Variants in SLC35F1 observed in about 807,000 individuals in gnomAD.
SLC35F1 encodes solute carrier family 35 member F1.
A neutral mutation model predicts 48.7 loss-of-function variants in SLC35F1; 14 were observed. That is an observed-to-expected ratio of 0.29 (90% confidence interval 0.19 to 0.45). SLC35F1 has a LOEUF of 0.45. SLC35F1 is among the 20% of genes least tolerant of loss of function. The pLI is 1.00. For synonymous variants in SLC35F1, 190 were observed against 202.2 expected (o/e 0.94, Z 0.51); for missense variants, 404 against 500.0 (o/e 0.81, Z 1.83).
intron 1 of SLC35F1, among the ~76,000 whole-genome samples, chr6:118,119,325 A>T (rs557577803): frequency 6.6e-6 from 1 of 152,266 alleles, no homozygotes; most frequent in Non-Finnish European, 1.5e-5. Flanking sequence ...GAACATGATA[A>T]TTTTGTACCA....
In SLC35F1 at chr6:118,147,117, C is replaced by G. The variant is rs369129392; in HGVS notation, c.174-7328C>G. ...AGGGGTGCAGGGTACACACTGAGAA[C>G]CTTGTGAGTCAGGGCCATCTTCAGT... On this transcript the variant is annotated intron_variant, in intron 1 of 7. Coordinates refer to ENST00000360388, the MANE Select transcript of SLC35F1 (RefSeq NM_001029858.4). Among the ~76,000 whole-genome samples the G allele has an allele frequency of 1.6e-3, 247 of 152,170 alleles. 2 individuals are homozygous for G. Among genetic ancestry groups the G allele is most frequent in the South Asian group, 0.013 (62 of 4,818 alleles).
intron 2 of SLC35F1, among the ~76,000 whole-genome samples, chr6:118,167,504 T>G (rs1046889382): frequency 6.6e-5 from 10 of 152,174 alleles, no homozygotes; most frequent in Admixed American, 2.0e-4. Flanking sequence ...TACCAAATAC[T>G]GTAGACAATT....
intron 7 of SLC35F1, among the ~76,000 whole-genome samples, chr6:118,308,657 T>G (rs137994359): frequency 6.6e-6 from 1 of 152,328 alleles, no homozygotes; most frequent in African/African-American, 2.4e-5. Context: ...CTTTTTAAAA[T>G]AAACTGAATA....
At chr6:117,983,237 A>T (rs1207231534) in intron 1 of SLC35F1, among the ~76,000 whole-genome samples, 1 of 152,198 alleles carries the variant, frequency 6.6e-6, no homozygotes, top group African/African-American at 2.4e-5. Context: ...TGAGGCCTAG[A>T]AAACCAACTC....
intron 2 of SLC35F1, among the ~76,000 whole-genome samples, chr6:118,206,185 A>G (rs1379304456): frequency 6.6e-6 from 1 of 152,260 alleles, no homozygotes; most frequent in Non-Finnish European, 1.5e-5. Flanking sequence ...ATTTTACATT[A>G]CATTTTTGTT....
intron 3 of SLC35F1, 140 bp from the exon 4 acceptor site, chr6:118,266,855 A>C (rs999750839): frequency 3.7e-6 from 3 of 814,916 alleles, no homozygotes; most frequent in Non-Finnish European, 6.0e-6. Flanking sequence ...TTTTAAGTAC[A>C]TCAAGTCTGG....
intron 1 of SLC35F1, among the ~76,000 whole-genome samples, chr6:118,131,079 T>C (rs1773703316): frequency 6.6e-6 from 1 of 152,176 alleles, no homozygotes; most frequent in Non-Finnish European, 1.5e-5. Flanking sequence ...ATAGTCAGCA[T>C]ATATAGCTAG....
intron 1 of SLC35F1, among the ~76,000 whole-genome samples, chr6:118,046,271 G>A (rs1183330424): frequency 6.6e-6 from 1 of 152,170 alleles, no homozygotes; most frequent in Non-Finnish European, 1.5e-5. Flanking sequence ...AGTAACGACA[G>A]TGGCATAACA....
Position 118,057,585 on chromosome 6 carries a change from C to T in SLC35F1, c.174-96860C>T, listed in dbSNP as rs564224880. Among the ~76,000 whole-genome samples the T allele has an allele frequency of 8.5e-5, 13 of 152,250 alleles. No homozygotes were observed. In the South Asian group the frequency reaches 1.4e-3, roughly 17 times the overall value. ...TGAGAAGAGATTAATCTGGCTAAAA[C>T]GCTATTGTCTTAGTCTTTGGCCTTG... On this transcript the variant is annotated intron_variant, in intron 1 of 7. Coordinates refer to ENST00000360388, the MANE Select transcript of SLC35F1 (RefSeq NM_001029858.4).
intron 1 of SLC35F1, among the ~76,000 whole-genome samples, chr6:117,923,689 A>ATG (rs1234304371): frequency 1.1e-4 from 6 of 55,396 alleles, no homozygotes; most frequent in African/African-American, 3.7e-4. Flanking sequence ...ATATATACAT[A>ATG]TGTACATATA....
In SLC35F1 at chr6:118,003,338, T is replaced by C. The variant is rs577941761; in HGVS notation, c.173+95439T>C. Among the ~76,000 whole-genome samples the C allele has an allele frequency of 5.9e-5, 9 of 152,356 alleles. No homozygotes were observed. In the South Asian group the frequency reaches 1.9e-3, roughly 32 times the overall value. On this transcript the variant is annotated intron_variant, in intron 1 of 7. Transcript: ENST00000360388. Reference sequence around the variant, plus strand: ...GATTGTTTATGAGATTCTATAAACATAGTTAACTCTGTAGTTACCAGGATA... The same window carrying C: ...GATTGTTTATGAGATTCTATAAACACAGTTAACTCTGTAGTTACCAGGATA...
chr6:118,042,111 A>C (rs1410597755), intron 1 of SLC35F1, among the ~76,000 whole-genome samples: 1 of 152,144 alleles, frequency 6.6e-6, no homozygotes, highest in Admixed American at 6.6e-5. Flanking sequence ...GATTGCTCTT[A>C]CATGATATAT....
At chr6:117,979,882 G>C (rs189543703) in intron 1 of SLC35F1, among the ~76,000 whole-genome samples, 1 of 152,296 alleles carries the variant, frequency 6.6e-6, no homozygotes, top group Admixed American at 6.5e-5. Flanking sequence ...GGATGATGGA[G>C]CACTTTGTAC....
intron 1 of SLC35F1, among the ~76,000 whole-genome samples, chr6:117,984,778 G>A (rs1442762202): frequency 6.6e-6 from 1 of 152,202 alleles, no homozygotes; most frequent in Non-Finnish European, 1.5e-5. Flanking sequence ...TAGGCAGTAT[G>A]TGCATTTATT....
intron 1 of SLC35F1, among the ~76,000 whole-genome samples, chr6:118,148,978 A>G (rs1430810403): frequency 1.3e-5 from 2 of 152,188 alleles, no homozygotes; most frequent in African/African-American, 2.4e-5. Context: ...TGCCATTTTC[A>G]TTTACAGATA....
At chr6:118,268,003 G>A (rs1323676821) in intron 4 of SLC35F1, among the ~76,000 whole-genome samples, 3 of 152,130 alleles carry the variant, frequency 2.0e-5, no homozygotes, top group Non-Finnish European at 4.4e-5. Flanking sequence ...TCTTGGAATT[G>A]CCCCTTCTTC....
intron 2 of SLC35F1, among the ~76,000 whole-genome samples, chr6:118,223,918 C>T (rs190967439): frequency 9.3e-4 from 142 of 152,330 alleles, no homozygotes; most frequent in African/African-American, 3.3e-3. Context: ...CCCCTTACAT[C>T]GTGCGTCATT....
intron 1 of SLC35F1, among the ~76,000 whole-genome samples, chr6:117,942,634 T>G (rs919576715): frequency 2.6e-5 from 4 of 152,212 alleles, no homozygotes; most frequent in Non-Finnish European, 4.4e-5. Flanking sequence ...TTAACGATTA[T>G]AGCTTCTGTT....
In SLC35F1 at chr6:117,980,544, G is replaced by A. The variant is rs547175023; in HGVS notation, c.173+72645G>A. On this transcript the variant is annotated intron_variant, in intron 1 of 7. Coordinates refer to ENST00000360388, the MANE Select transcript of SLC35F1 (RefSeq NM_001029858.4). The stretch of plus-strand genomic sequence containing the variant: ...GAAAATGGAACAGAAAGGAGTTTCT[G>A]TTTTCATTCTCATTTATCAGACAAT... Among the ~76,000 whole-genome samples, 9 of 152,192 alleles carry A rather than the reference G, an allele frequency of 5.9e-5. No homozygotes were observed. In the South Asian group the frequency reaches 1.9e-3, roughly 32 times the overall value.
Sources: allele counts gnomAD v4.1 joint callset (sites outside exome capture counted in the v4.1 genomes callset), GRCh38; gene constraint gnomAD v4.1.1; transcripts MANE v1.5; gene names NCBI Gene and HGNC (gene_info 2026-07-23, HGNC 2026-07-21).